The following SLC26A2 variants were observed in gnomAD, a reference collection of about 807,000 sequenced individuals.
The protein encoded by SLC26A2 is sulfate transporter.
A neutral mutation model predicts 41.1 loss-of-function variants in SLC26A2; 36 were observed. That is an observed-to-expected ratio of 0.88 (90% CI 0.67 to 1.16). The LOEUF is 1.16. SLC26A2 is among the 50% of genes most tolerant of loss of function. SLC26A2 has a pLI of 0.00. For missense variants in SLC26A2, 796 were observed against 869.6 expected, an observed-to-expected ratio of 0.92 and a Z score of 1.07; for synonymous variants, 291 against 311.6, an observed-to-expected ratio of 0.93 and a Z score of 0.70.
chr5:149,970,351 A>T (rs1318041868), intron 1 of SLC26A2, among the ~76,000 whole-genome samples: 1 of 152,158 alleles, frequency 6.6e-6, no homozygotes, highest in Non-Finnish European at 1.5e-5. Flanking sequence ...CTACAAAGAA[A>T]TAAAAACAAA....
In SLC26A2 at chr5:149,980,633, C is replaced by T; in HGVS notation, c.1040C>T (p.Ser347Phe). ...GTTGTTGTAGCAGCCACATTAGCCTCTCATTTTGGAAAACTACATGAAAAT... is the reference window on the plus strand; with the variant it reads ...GTTGTTGTAGCAGCCACATTAGCCTTTCATTTTGGAAAACTACATGAAAAT... ...LVVVVAATLA[S>F]HFGKLHENYN... Residue 347 changes from serine to phenylalanine, a missense_variant, in exon 3 of 3, where the codon TCT becomes TTT. Transcript: ENST00000286298. 3 of 1,614,068 alleles carry T rather than the reference C, an allele frequency of 1.9e-6. No individual in the cohort carries two copies. Among genetic ancestry groups the T allele is most frequent in the Non-Finnish European group, 2.5e-6 (3 of 1,179,950 alleles).
At chr5:149,962,048 G>A (rs756389207) in intron 1 of SLC26A2, 4 of 152,188 alleles carry the variant, frequency 2.6e-5, no homozygotes, top group Admixed American at 6.5e-5. Context: ...CCATATGACT[G>A]CTGAGCAGTA....
In SLC26A2 at chr5:149,986,046, C is replaced by T. The variant is rs1285155386; in HGVS notation, c.*4233C>T. ...GCTTTTTAATGTTTCTATCCCCCAT[C>T]TCAGTGTTTTCTTTATCCATCCCAG... On this transcript the variant is annotated 3_prime_UTR_variant, in exon 3 of 3. Coordinates refer to ENST00000286298, the MANE Select transcript of SLC26A2 (RefSeq NM_000112.4). The T allele has an allele frequency of 6.6e-6, 1 of 152,188 alleles. No homozygotes were observed. The highest frequency in any genetic ancestry group is 1.5e-5 in the Non-Finnish European group (1 of 68,032). The allele number at this position is 152,188 out of a possible 1,614,324, so 9.4% of individuals were successfully genotyped here. A position where few individuals can be genotyped will look rare whatever the true frequency, so the allele number is the denominator to read the frequency against.
Position 149,977,639 on chromosome 5 carries a change from A to G in SLC26A2, c.-14A>G, listed in dbSNP as rs778647080. The G allele has an allele frequency of 6.3e-7, 1 of 1,576,188 alleles. No homozygotes were observed. The highest frequency in any genetic ancestry group is 2.2e-5 in the East Asian group (1 of 44,690). ...TTTCTCTGGTGTAGGAAGCTGAACCATCTATCTCCAGAAATGTCTTCAGAA... is the reference window on the plus strand; with the variant it reads ...TTTCTCTGGTGTAGGAAGCTGAACCGTCTATCTCCAGAAATGTCTTCAGAA... On this transcript the variant is annotated 5_prime_UTR_variant, in exon 2 of 3. Coordinates refer to ENST00000286298, the MANE Select transcript of SLC26A2 (RefSeq NM_000112.4).
chr5:149,979,483 A>T (rs1755054968), intron 2 of SLC26A2, among the ~76,000 whole-genome samples: 2 of 152,176 alleles, frequency 1.3e-5, no homozygotes, highest in Non-Finnish European at 2.9e-5. Flanking sequence ...GGCTCAAGTG[A>T]TCCTCCCAAT....
Position 149,986,478 on chromosome 5 carries a change from A to G in SLC26A2, c.*4665A>G, listed in dbSNP as rs1470443734. The G allele has an allele frequency of 6.6e-6, 1 of 152,222 alleles. No individual in the cohort carries two copies. Among genetic ancestry groups the G allele is most frequent in the African/African-American group, 2.4e-5 (1 of 41,462 alleles). The allele number at this position is 152,222 out of a possible 1,614,324, so 9.4% of individuals were successfully genotyped here. A position where few individuals can be genotyped will look rare whatever the true frequency, so the allele number is the denominator to read the frequency against. On this transcript the variant is annotated 3_prime_UTR_variant, in exon 3 of 3. Transcript: ENST00000286298. ...AAAATTTAGTAACTTACAGGGATGG[A>G]GAATTTAGATGTCAGAGGTGGGGAG... is the stretch of plus-strand genomic sequence containing the variant.
At chr5:149,965,466 C>CA (rs1302679742) in intron 1 of SLC26A2, among the ~76,000 whole-genome samples, 3 of 90,230 alleles carry the variant, frequency 3.3e-5, no homozygotes, top group African/African-American at 4.6e-5. Context: ...GGCAACAGAG[C>CA]AAGACTCTGT....
rs542443884 is a variant in SLC26A2, at chr5:149,980,971, A to T, written c.1378A>T (p.Thr460Ser). 1 of 1,614,170 alleles carries T rather than the reference A, an allele frequency of 6.2e-7. No individual in the cohort carries two copies. The highest frequency in any genetic ancestry group is 1.7e-5 in the Admixed American group (1 of 60,032). The change falls in exon 3 of 3, where the codon ACA becomes TCA. Residue 460 changes from threonine to serine, a missense_variant. Transcript: ENST00000286298. ...CCATACTCAGCTTTCTGGTGTGGTA[A>T]CAGCCCTGGTTCTTTTGTTGGTCCT... ...GCHTQLSGVV[T>S]ALVLLLVLLV...
Position 149,969,537 on chromosome 5 carries a change from T to C in SLC26A2, c.-25-8091T>C, listed in dbSNP as rs533976103. On this transcript the variant is annotated intron_variant, in intron 1 of 2. Coordinates refer to ENST00000286298, the MANE Select transcript of SLC26A2 (RefSeq NM_000112.4). ...GTATATCATCCTTCCTTTTGTGTGA[T>C]CCTTCTCAGATTTCATCTTAGATTT... 2.9e-3 allele frequency among the ~76,000 whole-genome samples: 444 copies of C among 152,364 alleles called. 2 individuals carry two copies. Among genetic ancestry groups the C allele is most frequent in the Non-Finnish European group, 4.0e-3 (270 of 68,038 alleles).
chr5:149,963,326 C>T (rs1033553908), intron 1 of SLC26A2, among the ~76,000 whole-genome samples: 2 of 147,144 alleles, frequency 1.4e-5, no homozygotes, highest in South Asian at 2.2e-4. Context: ...GTCTCCAGGC[C>T]GGAGTGCAGT....
intron 1 of SLC26A2, chr5:149,962,338 T>A (rs1427867909): frequency 6.6e-6 from 1 of 152,120 alleles, no homozygotes; most frequent in Non-Finnish European, 1.5e-5. Context: ...AATTTCTGAT[T>A]TGACTTTTTT....
Position 149,960,983 on chromosome 5 carries a change from A to G in SLC26A2, c.-26+4A>G, listed in dbSNP as rs1472764163. On this transcript the variant is annotated splice_donor_region_variant and intron_variant, in intron 1 of 2. Transcript: ENST00000286298. Reference sequence around the variant, plus strand: ...TGCAGCGGCCCGGACCCGAGAGGTGAGAAGAGGGAAGCGGACCAGGGAAGA... The same window carrying G: ...TGCAGCGGCCCGGACCCGAGAGGTGGGAAGAGGGAAGCGGACCAGGGAAGA... 1 of 152,462 alleles carries G rather than the reference A, an allele frequency of 6.6e-6. No homozygotes were observed. The highest frequency in any genetic ancestry group is 1.5e-5 in the Non-Finnish European group (1 of 68,252). 9.4% of individuals were successfully genotyped at this position (152,462 alleles called of 1,614,324 possible).
rs114260147 is a variant in SLC26A2 at position 149,980,375 on chromosome 5, C to G, written c.782C>G (p.Ser261Cys). ...ALLSGFVTGA[S>C]FTILTSQAKY... Reference sequence around the variant, plus strand: ...CTGAGTGGATTTGTCACTGGTGCCTCCTTCACTATTCTTACATCTCAGGCC... The same window carrying G: ...CTGAGTGGATTTGTCACTGGTGCCTGCTTCACTATTCTTACATCTCAGGCC... The change falls in exon 3 of 3, where the codon TCC (serine) becomes TGC (cysteine). Residue 261 changes from serine to cysteine, a missense_variant. Ser to Cys is a moderately radical substitution (Grantham distance 112). Transcript: ENST00000286298. 6.6e-4 allele frequency: 1,069 copies of G among 1,614,118 alleles called. No homozygotes were observed. Among genetic ancestry groups the G allele is most frequent in the Middle Eastern group, 2.5e-3 (15 of 6,062 alleles).
intron 1 of SLC26A2, among the ~76,000 whole-genome samples, chr5:149,967,415 C>T (rs1754824146): frequency 6.6e-6 from 1 of 152,200 alleles, no homozygotes; most frequent in African/African-American, 2.4e-5. Flanking sequence ...ACCTTACTTC[C>T]TATCCCGAAA....
At position 149,980,481 on chromosome 5, in the gene SLC26A2, C is replaced by T. The variant is rs1485556239; in HGVS notation, c.888C>T (p.Asn296=). 2.5e-6 allele frequency: 4 copies of T among 1,613,948 alleles called. No individual in the cohort carries two copies. The highest frequency in any genetic ancestry group is 3.4e-6 in the Non-Finnish European group (4 of 1,179,976). Residue 296 remains asparagine, a synonymous_variant, in exon 3 of 3, where the codon AAC becomes AAT. Transcript: ENST00000286298. Reference sequence around the variant, plus strand: ...CTACCTGGATACATGTCTTCAGAAACATCCATAAGACCAATCTCTGTGATC... The same window carrying T: ...CTACCTGGATACATGTCTTCAGAAATATCCATAAGACCAATCTCTGTGATC... The part of the protein sequence containing the change: ...LITTWIHVFR[N]IHKTNLCDLI...
intron 1 of SLC26A2, among the ~76,000 whole-genome samples, chr5:149,963,529 C>T (rs1016826165): frequency 1.9e-4 from 29 of 151,714 alleles, no homozygotes; most frequent in East Asian, 9.7e-4. Context: ...CGCCTGCCTC[C>T]GCCTCCCAAA....
rs146942559 is a variant in SLC26A2, at chr5:149,965,946, C to G, written c.-26+4967C>G. Reference sequence around the variant, plus strand: ...TTTGAGACAGAGTCTTGTCTGTCACCTAGGCTAGAGTGCAGTGGCGCAATC... The same window carrying G: ...TTTGAGACAGAGTCTTGTCTGTCACGTAGGCTAGAGTGCAGTGGCGCAATC... On this transcript the variant is annotated intron_variant, in intron 1 of 2. Transcript: ENST00000286298. Among the ~76,000 whole-genome samples, 645 of 152,234 alleles carry G rather than the reference C, an allele frequency of 4.2e-3. 2 individuals are homozygous for G. Among genetic ancestry groups the G allele is most frequent in the South Asian group, 0.015 (70 of 4,826 alleles).
intron 2 of SLC26A2, among the ~76,000 whole-genome samples, chr5:149,979,817 C>G (rs79086221): frequency 5.9e-5 from 9 of 152,214 alleles, no homozygotes; most frequent in African/African-American, 2.2e-4. Context: ...TACACTTGCT[C>G]TTAGCCAAGA....
chr5:149,978,104 A>G lies in SLC26A2; in HGVS notation c.452A>G (p.Tyr151Cys). 1.2e-6 allele frequency: 2 copies of G among 1,601,182 alleles called. No individual in the cohort carries two copies. The highest frequency in any genetic ancestry group is 2.2e-5 in the South Asian group (2 of 89,364). The change falls in exon 2 of 3, where the codon TAT becomes TGT. Residue 151 changes from tyrosine to cysteine, a missense_variant. Physicochemically the swap from Tyr to Cys is radical, Grantham distance 194. Coordinates refer to ENST00000286298, the MANE Select transcript of SLC26A2 (RefSeq NM_000112.4). ...ACATCTTTTTTTGCCAGCATCATTTATTTTCTCTTGGGTACCTCCCGTCAC... is the reference window on the plus strand; with the variant it reads ...ACATCTTTTTTTGCCAGCATCATTTGTTTTCTCTTGGGTACCTCCCGTCAC... Reference protein sequence around the residue: ...LYTSFFASIIYFLLGTSRHIS... With the variant: ...LYTSFFASIICFLLGTSRHIS...
Sources: gnomAD v4.1 joint callset for allele counts (sites outside exome capture counted in the v4.1 genomes callset) on GRCh38, gnomAD v4.1.1 for gene constraint, MANE v1.5 for transcripts, NCBI Gene and HGNC (gene_info 2026-07-23, HGNC 2026-07-21) for gene names.